The following ME1 variants were observed in gnomAD, a reference collection of about 807,000 sequenced individuals.
ME1 encodes the protein malic enzyme 1.
A neutral mutation model predicts 66.4 loss-of-function variants in ME1; 74 were observed. The observed-to-expected ratio is 1.11, with a 90% CI of 0.92 to 1.35. The LOEUF is 1.35. Among genes scored for constraint, ME1 ranks in the 40% most tolerant of loss-of-function variants. The pLI is 0.00. For synonymous variants in ME1, 251 were observed against 235.6 expected, an observed-to-expected ratio of 1.07 and a Z score of -0.60; for missense variants, 750 against 694.1, an observed-to-expected ratio of 1.08 and a Z score of -0.90.
At chr6:83,425,025 T>TAGAA (rs2127698064) in intron 1 of ME1, among the ~76,000 whole-genome samples, 1 of 152,328 alleles carries the variant, frequency 6.6e-6, no homozygotes, top group East Asian at 1.9e-4. Flanking sequence ...TTTGTTTTGT[T>TAGAA]TTTCTGAGAC....
At chr6:83,345,945 C>A (rs1168651806) in intron 5 of ME1, among the ~76,000 whole-genome samples, 4 of 151,798 alleles carry the variant, frequency 2.6e-5, no homozygotes, top group Non-Finnish European at 5.9e-5. Context: ...CATATCAAAG[C>A]AACATAAGGC....
chr6:83,426,730 A>C (rs1441211374), intron 1 of ME1, among the ~76,000 whole-genome samples: 1 of 152,212 alleles, frequency 6.6e-6, no homozygotes, highest in Non-Finnish European at 1.5e-5. Flanking sequence ...TAACTTCGAT[A>C]AAACACTATC....
chr6:83,279,486 T>C (rs1767250527), intron 6 of ME1, among the ~76,000 whole-genome samples: 1 of 152,064 alleles, frequency 6.6e-6, no homozygotes, highest in Admixed American at 6.6e-5. Context: ...AAAGTAACAG[T>C]ACCAGAAATA....
At chr6:83,326,679 T>C (rs1165617125) in intron 5 of ME1, among the ~76,000 whole-genome samples, 1 of 152,162 alleles carries the variant, frequency 6.6e-6, no homozygotes, top group African/African-American at 2.4e-5. Context: ...AGAACCACAA[T>C]GAGATATCAT....
At chr6:83,429,772 A>G in intron 1 of ME1, among the ~76,000 whole-genome samples, 1 of 152,232 alleles carries the variant, frequency 6.6e-6, no homozygotes, top group East Asian at 1.9e-4. Context: ...TGATCAACAA[A>G]TCATCAGGAA....
At chr6:83,320,846 A>G (rs1049521398) in intron 5 of ME1, among the ~76,000 whole-genome samples, 1 of 152,206 alleles carries the variant, frequency 6.6e-6, no homozygotes, top group East Asian at 1.9e-4. Context: ...AAGTTAAAAA[A>G]TTATCGATTC....
intron 9 of ME1, among the ~76,000 whole-genome samples, chr6:83,229,409 A>T (rs188416005): frequency 1.3e-5 from 2 of 152,254 alleles, no homozygotes; most frequent in Admixed American, 1.3e-4. Flanking sequence ...TGCATTTTAT[A>T]TGTTTTTGTT....
chr6:83,247,722 C>T (rs531579648), intron 7 of ME1, among the ~76,000 whole-genome samples: 21 of 152,136 alleles, frequency 1.4e-4, no homozygotes, highest in South Asian at 4.2e-4. Context: ...AAGAACCATA[C>T]GGAGAAACTG....
intron 7 of ME1, among the ~76,000 whole-genome samples, chr6:83,251,315 C>T (rs116924892): frequency 0.026 from 4,020 of 151,726 alleles, 82 homozygotes; most frequent in Admixed American, 0.055. Flanking sequence ...ACCAACGTGG[C>T]AAAAACCCAT....
At chr6:83,313,257 AT>A (rs1380009534) in intron 6 of ME1, among the ~76,000 whole-genome samples, 1 of 152,142 alleles carries the variant, frequency 6.6e-6, no homozygotes, top group African/African-American at 2.4e-5. Context: ...GACAGAAAGT[AT>A]TTTTTTAGTC....
In ME1 at chr6:83,392,864, C is replaced by T. The variant is rs539768635; in HGVS notation, c.362+5503G>A. On this transcript the variant is annotated intron_variant, in intron 3 of 13. Coordinates refer to ENST00000369705, the MANE Select transcript of ME1 (RefSeq NM_002395.6). ...AACAGCTCAAGATTATCAGCAATGC[C>T]TCCTGCACCACCAGCTGCTTAACGC... 13 of 774,512 alleles carry T rather than the reference C, an allele frequency of 1.7e-5. No homozygotes were observed. In the East Asian group the frequency reaches 3.1e-4, roughly 18 times the overall value. The allele number at this position is 774,512 out of a possible 1,614,324, so 48.0% of individuals were successfully genotyped here.
chr6:83,269,519 C>T (rs1370435730), intron 6 of ME1, among the ~76,000 whole-genome samples: 2 of 152,090 alleles, frequency 1.3e-5, no homozygotes, highest in African/African-American at 4.8e-5. Flanking sequence ...TAAGACAATG[C>T]ATAAGTCAAA....
At chr6:83,266,413 G>A (rs1481241717) in intron 6 of ME1, among the ~76,000 whole-genome samples, 3 of 152,150 alleles carry the variant, frequency 2.0e-5, no homozygotes, top group African/African-American at 7.2e-5. Flanking sequence ...CTGGAATAAT[G>A]TCAAAGTCTG....
intron 6 of ME1, among the ~76,000 whole-genome samples, chr6:83,288,224 T>C (rs1178782411): frequency 6.6e-6 from 1 of 152,192 alleles, no homozygotes; most frequent in Non-Finnish European, 1.5e-5. Context: ...CATGAAGTAT[T>C]TGCCCATGCC....
intron 7 of ME1, among the ~76,000 whole-genome samples, chr6:83,244,489 TTATAA>T (rs1448338821): frequency 6.6e-6 from 1 of 152,058 alleles, no homozygotes; most frequent in Non-Finnish European, 1.5e-5. Context: ...GTATATATAA[TTATAA>T]TATATTATAG....
At chr6:83,237,227 A>AAAAG (rs71545852) in intron 9 of ME1, among the ~76,000 whole-genome samples, 6,628 of 68,962 alleles carry the variant, frequency 0.096, 782 homozygotes, top group Non-Finnish European at 0.12. Flanking sequence ...ACAGAGAGAG[A>AAAAG]AAAGAAAGAA....
chr6:83,367,505 C>T (rs1270086599), intron 3 of ME1, among the ~76,000 whole-genome samples: 2 of 152,178 alleles, frequency 1.3e-5, no homozygotes, highest in African/African-American at 4.8e-5. Flanking sequence ...AGTGTGGCCA[C>T]CTTCATCAAT....
At chr6:83,415,910 T>C (rs1770151758) in intron 1 of ME1, among the ~76,000 whole-genome samples, 1 of 152,172 alleles carries the variant, frequency 6.6e-6, no homozygotes, top group Non-Finnish European at 1.5e-5. Flanking sequence ...AGACAATTAT[T>C]TGTTGTAGGC....
chr6:83,249,896 T>C (rs184284221), intron 7 of ME1, among the ~76,000 whole-genome samples: 29 of 152,328 alleles, frequency 1.9e-4, no homozygotes, highest in African/African-American at 6.3e-4. Flanking sequence ...ATCTTCACTT[T>C]CTTCCCTATC....
Sources: gnomAD v4.1 joint callset for allele counts (sites outside exome capture counted in the v4.1 genomes callset) on GRCh38, gnomAD v4.1.1 for gene constraint, MANE v1.5 for transcripts, NCBI Gene and HGNC (gene_info 2026-07-23, HGNC 2026-07-21) for gene names.